ZNF407: variants seen among roughly 807,000 people sequenced by gnomAD.
ZNF407 encodes zinc finger protein 407.
Under a neutral mutation model 131.2 loss-of-function variants are expected in ZNF407, and 17 were observed. That is an observed-to-expected ratio of 0.13 (90% CI 0.09 to 0.19). The LOEUF (loss-of-function observed/expected upper bound fraction) is 0.19. Ranked by LOEUF, ZNF407 falls within the 10% of genes least tolerant of loss-of-function variation. The probability of loss-of-function intolerance (pLI) is 1.00; values close to 1 mark genes in which losing one functional copy is unlikely to be tolerated. For missense variants in ZNF407, 2,681 were observed against 2,830.6 expected (o/e 0.95, Z 1.20); for synonymous variants, 1,156 against 1,062.0 (o/e 1.09, Z -1.72).
intron 3 of ZNF407, among the ~76,000 whole-genome samples, chr18:74,729,744 G>A (rs189695084): frequency 2.6e-4 from 39 of 152,164 alleles, no homozygotes; most frequent in African/African-American, 9.2e-4. Flanking sequence ...TTTAGGTCTG[G>A]AGTATTTGCC....
At position 74,877,129 on chromosome 18, in the gene ZNF407, C is replaced by T. The variant is rs150462458; in HGVS notation, c.4878-68C>T. 474 of 1,463,592 alleles carry T rather than the reference C, an allele frequency of 3.2e-4. 4 individuals are homozygous for T. In the East Asian group the frequency reaches 7.3e-3, roughly 23 times the overall value. 90.7% of individuals were successfully genotyped at this position (1,463,592 alleles called of 1,614,324 possible). On this transcript the variant is annotated intron_variant, in intron 4 of 8. Coordinates refer to ENST00000299687, the MANE Select transcript of ZNF407 (RefSeq NM_017757.3). ...CACCGCACCTCAGGGTTCGCACACG[C>T]GCTGCCTGGGGCCTTCGGTGCTGGT...
At chr18:74,937,689 T>G (rs975835524) in intron 8 of ZNF407, among the ~76,000 whole-genome samples, 4 of 152,202 alleles carry the variant, frequency 2.6e-5, no homozygotes, top group African/African-American at 9.6e-5. Context: ...AAAACTCACT[T>G]TAAACCAAGA....
intron 4 of ZNF407, among the ~76,000 whole-genome samples, chr18:74,786,115 C>T (rs1256550482): frequency 6.6e-6 from 1 of 152,292 alleles, no homozygotes; most frequent in Non-Finnish European, 1.5e-5. Context: ...GACTGACCTC[C>T]GACGTCACAG....
chr18:74,674,508 C>G (rs1568159913), intron 3 of ZNF407, among the ~76,000 whole-genome samples: 1 of 152,144 alleles, frequency 6.6e-6, no homozygotes, highest in Non-Finnish European at 1.5e-5. Context: ...CCTTAAAATA[C>G]TTTTTTCATG....
chr18:74,821,940 C>T (rs1024515723), intron 4 of ZNF407, among the ~76,000 whole-genome samples: 5 of 152,188 alleles, frequency 3.3e-5, no homozygotes, highest in African/African-American at 1.2e-4. Flanking sequence ...CTGTTGTTTC[C>T]TGACTTTTTA....
chr18:74,771,688 G>A (rs996519471), intron 3 of ZNF407, among the ~76,000 whole-genome samples: 3 of 151,856 alleles, frequency 2.0e-5, no homozygotes, highest in Non-Finnish European at 4.4e-5. Flanking sequence ...TCAATTGGCT[G>A]TTCTTTAAGA....
chr18:74,918,393 T>A (rs1410196972), intron 7 of ZNF407, among the ~76,000 whole-genome samples: 2 of 152,228 alleles, frequency 1.3e-5, no homozygotes, highest in Non-Finnish European at 2.9e-5. Context: ...CTGTGAATTG[T>A]GTAGCAGTCT....
chr18:74,841,628 A>T (rs1182635497), intron 4 of ZNF407, among the ~76,000 whole-genome samples: 1 of 152,230 alleles, frequency 6.6e-6, no homozygotes, highest in African/African-American at 2.4e-5. Context: ...ATGAATTGAA[A>T]GGTTGTTGCT....
At chr18:74,677,060 T>A (rs1221882641) in intron 3 of ZNF407, among the ~76,000 whole-genome samples, 4 of 152,160 alleles carry the variant, frequency 2.6e-5, no homozygotes, top group Non-Finnish European at 5.9e-5. Flanking sequence ...AATATTCATT[T>A]ACATTTACCC....
chr18:74,697,291 C>T (rs924018014), intron 3 of ZNF407, among the ~76,000 whole-genome samples: 18 of 152,084 alleles, frequency 1.2e-4, no homozygotes, highest in Non-Finnish European at 2.5e-4. Context: ...GAATATATAT[C>T]CTTTGGCACA....
intron 1 of ZNF407, among the ~76,000 whole-genome samples, chr18:74,610,790 G>C (rs1226567377): frequency 2.6e-5 from 4 of 152,050 alleles, no homozygotes; most frequent in Non-Finnish European, 5.9e-5. Flanking sequence ...CTCACCTCAG[G>C]TGATCCGCCC....
chr18:75,064,855 G>A lies in ZNF407; in HGVS notation c.*387G>A, dbSNP rs560775388. 319 of 171,536 alleles carry A rather than the reference G, an allele frequency of 1.9e-3. No homozygotes were observed. Among genetic ancestry groups the A allele is most frequent in the African/African-American group, 7.4e-3 (312 of 42,336 alleles). The allele number at this position is 171,536 out of a possible 1,614,324, so 10.6% of individuals were successfully genotyped here. On this transcript the variant is annotated 3_prime_UTR_variant, in exon 9 of 9. Coordinates refer to ENST00000299687, the MANE Select transcript of ZNF407 (RefSeq NM_017757.3). Reference sequence around the variant, plus strand: ...TTTCAGTTATCAGAAGGTCATGGCCGTGGGGAAAGTGGTGAAGATACCCCT... The same window carrying A: ...TTTCAGTTATCAGAAGGTCATGGCCATGGGGAAAGTGGTGAAGATACCCCT...
chr18:74,634,250 T>C lies in ZNF407; in HGVS notation c.3231T>C (p.Tyr1077=), dbSNP rs1434329114. 6.2e-7 allele frequency: 1 copy of C among 1,614,022 alleles called. No individual in the cohort carries two copies. The highest frequency in any genetic ancestry group is 1.7e-5 in the Admixed American group (1 of 60,022). The change falls in exon 2 of 9, where the codon TAT becomes TAC. Residue 1077 remains tyrosine, a synonymous_variant. Transcript: ENST00000299687. The part of the protein sequence containing the change: ...TEKHKMKRQS[Y]LNSANVEAGS... ...AGCACAAAATGAAAAGGCAGTCTTA[T>C]CTCAACTCTGCTAATGTAGAAGCTG...
chr18:74,803,286 T>A (rs1356470908), intron 4 of ZNF407, among the ~76,000 whole-genome samples: 1 of 152,166 alleles, frequency 6.6e-6, no homozygotes. Context: ...TGGTTGTGGG[T>A]TTGTTCTTCC....
chr18:74,632,806 T>C lies in ZNF407; in HGVS notation c.1787T>C (p.Ile596Thr), dbSNP rs773586047. ...SVLSCQCCSF[I>T]SLDEINLRDH... ...CTGAGTTGTCAGTGTTGTTCATTTA[T>C]ATCCTTGGATGAAATAAATCTTAGA... Residue 596 changes from isoleucine to threonine, a missense_variant, in exon 2 of 9, where the codon ATA becomes ACA. Ile to Thr is a moderately conservative substitution (Grantham distance 89). Around this residue, in one of 6 missense-constraint regions of ZNF407, gnomAD observed 1,789 missense variants for 1,748.7 expected, o/e 1.02. Coordinates refer to ENST00000299687, the MANE Select transcript of ZNF407 (RefSeq NM_017757.3). 6.2e-7 allele frequency: 1 copy of C among 1,614,026 alleles called. No homozygotes were observed. Among genetic ancestry groups the C allele is most frequent in the Non-Finnish European group, 8.5e-7 (1 of 1,179,894 alleles).
At chr18:74,641,496 A>G (rs1052772838) in intron 3 of ZNF407, among the ~76,000 whole-genome samples, 12 of 152,100 alleles carry the variant, frequency 7.9e-5, no homozygotes, top group African/African-American at 2.9e-4. Context: ...TACTGCTTCA[A>G]TTTTTATCAC....
intron 4 of ZNF407, among the ~76,000 whole-genome samples, chr18:74,811,774 G>A (rs377034189): frequency 2.6e-5 from 4 of 151,606 alleles, no homozygotes; most frequent in Non-Finnish European, 2.9e-5. Context: ...TATTGCAAGA[G>A]CAAAAAACCA....
At chr18:74,899,421 G>A (rs192905322) in intron 7 of ZNF407, among the ~76,000 whole-genome samples, 11 of 152,132 alleles carry the variant, frequency 7.2e-5, no homozygotes, top group African/African-American at 2.7e-4. Flanking sequence ...CATCCTTCGG[G>A]TGTGCTGGTC....
At chr18:74,728,926 A>T (rs1968225932) in intron 3 of ZNF407, among the ~76,000 whole-genome samples, 1 of 152,182 alleles carries the variant, frequency 6.6e-6, no homozygotes, top group African/African-American at 2.4e-5. Flanking sequence ...GGTTGTTTTT[A>T]AAAAAGAAGG....
Sources: allele counts gnomAD v4.1 joint callset (sites outside exome capture counted in the v4.1 genomes callset), GRCh38; gene constraint gnomAD v4.1.1; regional missense constraint gnomAD v4.1.1; transcripts MANE v1.5; gene names NCBI Gene and HGNC (gene_info 2026-07-23, HGNC 2026-07-21).